SPNS3: variants seen among roughly 807,000 people sequenced by gnomAD.
SPNS3 encodes the protein protein spinster homolog 3.
A neutral mutation model predicts 54.4 loss-of-function variants in SPNS3; 51 were observed. That is an observed-to-expected ratio of 0.94 (90% CI 0.75 to 1.18). SPNS3 has a LOEUF of 1.18. SPNS3 is among the 50% of genes most tolerant of loss of function. SPNS3 has a pLI of 0.00. For missense variants in SPNS3, 669 were observed against 677.4 expected, an observed-to-expected ratio of 0.99 and a Z score of 0.14; for synonymous variants, 309 against 294.7, an observed-to-expected ratio of 1.05 and a Z score of -0.50.
At chr17:4,466,603 A>G (rs2144142890) in intron 8 of SPNS3, among the ~76,000 whole-genome samples, 1 of 148,586 alleles carries the variant, frequency 6.7e-6, no homozygotes, top group South Asian at 2.2e-4. Flanking sequence ...GCATTTTGGG[A>G]GGCCGAGGCA....
chr17:4,457,749 T>C (rs929253803), intron 8 of SPNS3, among the ~76,000 whole-genome samples: 7 of 107,924 alleles, frequency 6.5e-5, no homozygotes, highest in Non-Finnish European at 1.1e-4. Flanking sequence ...TGCCCCCCCC[T>C]CACCCCCTGC....
In SPNS3 at chr17:4,486,308, C is replaced by T. The variant is rs777083369; in HGVS notation, c.1260C>T (p.Ser420=). 10 of 1,597,982 alleles carry T rather than the reference C, an allele frequency of 6.3e-6. No individual in the cohort carries two copies. Among genetic ancestry groups the T allele is most frequent in the Non-Finnish European group, 8.5e-6 (10 of 1,174,378 alleles). The change falls in exon 10 of 12, where the codon AGC becomes AGT. Residue 420 remains serine (S), a synonymous_variant. Transcript: ENST00000355530. The surrounding 1 kb of genome is among the most constrained non-coding windows in gnomAD (Gnocchi z 5.5). ...TVGHILGDAG[S]PYLTGLISSV... ...GCCACATCCTGGGAGACGCTGGCAG[C>T]CCCTATCTCACAGGACTTGTAAGAC...
chr17:4,464,730 G>T (rs1244828836), intron 8 of SPNS3, among the ~76,000 whole-genome samples: 1 of 152,002 alleles, frequency 6.6e-6, no homozygotes, highest in Non-Finnish European at 1.5e-5. Flanking sequence ...GAGCAGGCTG[G>T]AGTGCAGTGG....
intron 8 of SPNS3, among the ~76,000 whole-genome samples, chr17:4,469,404 G>C (rs1050009218): frequency 6.6e-6 from 1 of 152,104 alleles, no homozygotes; most frequent in Non-Finnish European, 1.5e-5. Flanking sequence ...GACATATTAA[G>C]AGGCAATTGG....
rs373167727 is a variant in SPNS3 at position 4,449,426 on chromosome 17, C to T, written c.923+39C>T. ...GGGGCCCTGGGCACCTGGCCCGGCT[C>T]GGGGGCTCTTGCTGAGGAAGTTCTG... On this transcript the variant is annotated intron_variant, in intron 7 of 11. Coordinates refer to ENST00000355530, the MANE Select transcript of SPNS3 (RefSeq NM_182538.5). The T allele has an allele frequency of 1.2e-4, 191 of 1,540,228 alleles. 1 individual carries two copies. Among genetic ancestry groups the T allele is most frequent in the Middle Eastern group, 7.2e-4 (4 of 5,548 alleles).
At chr17:4,445,667 A>G (rs1457405361) in intron 3 of SPNS3, among the ~76,000 whole-genome samples, 10 of 152,146 alleles carry the variant, frequency 6.6e-5, no homozygotes, top group South Asian at 2.1e-4. Flanking sequence ...GTGAGCCACC[A>G]TGCCTGGCCA....
Position 4,439,712 on chromosome 17 carries a change from T to G in SPNS3, c.254T>G (p.Leu85Trp). Residue 85 changes from leucine to tryptophan, a missense_variant, in exon 2 of 12, where the codon TTG becomes TGG. Transcript: ENST00000355530. Reference sequence around the variant, plus strand: ...CAGATCAGTGACAACCATGCTGGTTTGCTTCAGACTGGTAAGGAGGAGCCC... The same window carrying G: ...CAGATCAGTGACAACCATGCTGGTTGGCTTCAGACTGGTAAGGAGGAGCCC... ...VFQISDNHAGLLQTVFVSCLL... is the reference protein window; with the variant it reads ...VFQISDNHAGWLQTVFVSCLL... The G allele has an allele frequency of 6.2e-7, 1 of 1,612,690 alleles. No individual in the cohort carries two copies. The highest frequency in any genetic ancestry group is 1.1e-5 in the South Asian group (1 of 90,626).
At chr17:4,479,520 G>A (rs533752047) in intron 9 of SPNS3, among the ~76,000 whole-genome samples, 2 of 152,344 alleles carry the variant, frequency 1.3e-5, no homozygotes, top group Non-Finnish European at 2.9e-5. Flanking sequence ...CTCCTTCTGG[G>A]AGGCATACAG....
intron 2 of SPNS3, among the ~76,000 whole-genome samples, chr17:4,440,983 T>C (rs1970833913): frequency 6.6e-6 from 1 of 152,212 alleles, no homozygotes; most frequent in African/African-American, 2.4e-5. Flanking sequence ...TTATAATCAG[T>C]TTGACGTCTA....
chr17:4,444,632 G>A (rs1001501), intron 2 of SPNS3, among the ~76,000 whole-genome samples: 278 of 152,194 alleles, frequency 1.8e-3, no homozygotes, highest in Non-Finnish European at 3.1e-3. Context: ...TGAAAAATCA[G>A]ACCTGTCCCC....
At chr17:4,461,051 C>A (rs961162863) in intron 8 of SPNS3, among the ~76,000 whole-genome samples, 2 of 152,078 alleles carry the variant, frequency 1.3e-5, no homozygotes, top group Non-Finnish European at 2.9e-5. Flanking sequence ...TTCAAATTTT[C>A]TATTTCTTCT....
chr17:4,439,258 G>A (rs950112960), intron 1 of SPNS3, among the ~76,000 whole-genome samples: 2 of 152,104 alleles, frequency 1.3e-5, no homozygotes, highest in African/African-American at 2.4e-5. Context: ...CGAGTAGCTG[G>A]GATTACAGGC....
intron 9 of SPNS3, chr17:4,482,377 G>C (rs1364369897): frequency 6.6e-6 from 1 of 152,204 alleles, no homozygotes; most frequent in Non-Finnish European, 1.5e-5. Context: ...GTGGGTCCGT[G>C]CTGGGGTCCA....
chr17:4,460,036 T>C (rs1430814061), intron 8 of SPNS3, among the ~76,000 whole-genome samples: 2 of 152,122 alleles, frequency 1.3e-5, no homozygotes, highest in Admixed American at 6.6e-5. Flanking sequence ...TAGTGAATTA[T>C]GTGGATATTC....
At chr17:4,447,046 G>A in intron 5 of SPNS3, 84 bp downstream of exon 5, 3 of 1,489,970 alleles carry the variant, frequency 2.0e-6, no homozygotes, top group Non-Finnish European at 2.8e-6. Context: ...TAGCCACTTG[G>A]CGTAGCACCC....
rs991152542 is a variant in SPNS3, at chr17:4,452,901, A to G, written c.924-115A>G. The G allele has an allele frequency of 8.1e-6, 8 of 982,996 alleles. No individual in the cohort carries two copies. The African/African-American group carries it at 1.3e-4, about 16-fold the overall frequency. 60.9% of individuals were successfully genotyped at this position (982,996 alleles called of 1,614,324 possible). A position where few individuals can be genotyped will look rare whatever the true frequency, so the allele number is the denominator to read the frequency against. ...AGGGGCCCACAGCCATATTCCCTGT[A>G]GACACCAGATCATGCACTTGAGCCG... On this transcript the variant is annotated intron_variant, in intron 7 of 11. Coordinates refer to ENST00000355530, the MANE Select transcript of SPNS3 (RefSeq NM_182538.5).
chr17:4,449,049 GTCT>G (rs1485970715), intron 6 of SPNS3, among the ~76,000 whole-genome samples, 183 bp from the exon 7 acceptor site: 12 of 152,308 alleles, frequency 7.9e-5, no homozygotes, highest in East Asian at 7.7e-4. Context: ...TAACCTGAGT[GTCT>G]TCTTCTTCGG....
intron 8 of SPNS3, 94 bp from the exon 9 acceptor site, chr17:4,478,478 C>T (rs1253203782): frequency 1.8e-6 from 2 of 1,101,116 alleles, no homozygotes; most frequent in Non-Finnish European, 1.3e-6. Context: ...TTCTCTGTAG[C>T]GTCCCAGTCT....
intron 8 of SPNS3, among the ~76,000 whole-genome samples, chr17:4,474,207 C>A (rs1326839087): frequency 1.3e-5 from 2 of 152,208 alleles, no homozygotes; most frequent in Non-Finnish European, 2.9e-5. Flanking sequence ...CACCTGCCTG[C>A]CCACTGGCTT....
Sources: gnomAD v4.1 joint callset for allele counts (sites outside exome capture counted in the v4.1 genomes callset) on GRCh38, gnomAD v4.1.1 for gene constraint, Gnocchi (gnomAD v3.1) non-coding constraint, MANE v1.5 for transcripts, NCBI Gene and HGNC (gene_info 2026-07-23, HGNC 2026-07-21) for gene names.